ABI3BP: variants seen among roughly 807,000 people sequenced by gnomAD.
ABI3BP encodes target of Nesh-SH3.
A neutral mutation model predicts 268.6 loss-of-function variants in ABI3BP; 216 were observed. The ratio of observed to expected loss-of-function variants is 0.80; its 90% CI spans 0.72 to 0.90. The LOEUF (loss-of-function observed/expected upper bound fraction) is 0.90, where lower values mean the gene tolerates loss of function less well. Ranked by LOEUF, ABI3BP falls within the 40% of genes least tolerant of loss-of-function variation. The pLI is 0.00. For synonymous variants in ABI3BP, 730 were observed against 730.0 expected, an observed-to-expected ratio of 1.00 and a Z score of 0.00; for missense variants, 2,090 against 2,182.4, an observed-to-expected ratio of 0.96 and a Z score of 0.84.
At position 100,819,429 on chromosome 3, in the gene ABI3BP, A is replaced by G. The variant is rs9862629; in HGVS notation, c.3031+791T>C. ...AAACAAGTTCAATTTACCCAGATAC[A>G]CTCCCTTGCTTCAATCTTTGAATGT... On this transcript the variant is annotated intron_variant, in intron 40 of 67. Transcript: ENST00000471714. Among the ~76,000 whole-genome samples the G allele has an allele frequency of 5.6e-3, 842 of 151,686 alleles. 4 individuals carry two copies. Among genetic ancestry groups the G allele is most frequent in the African/African-American group, 0.019 (797 of 41,290 alleles).
At chr3:100,806,305 T>C (rs1323540571) in intron 50 of ABI3BP, among the ~76,000 whole-genome samples, 1 of 152,108 alleles carries the variant, frequency 6.6e-6, no homozygotes, top group Non-Finnish European at 1.5e-5. Flanking sequence ...AACAATAGTT[T>C]GTATTGGTAT....
At chr3:100,895,324 A>G (rs1365176225) in intron 4 of ABI3BP, among the ~76,000 whole-genome samples, 2 of 152,174 alleles carry the variant, frequency 1.3e-5, no homozygotes, top group Non-Finnish European at 2.9e-5. Context: ...GGAGACCCAT[A>G]AAGACCCTAT....
At chr3:100,757,911 A>G (rs2095711509) in intron 63 of ABI3BP, among the ~76,000 whole-genome samples, 1 of 152,206 alleles carries the variant, frequency 6.6e-6, no homozygotes, top group Non-Finnish European at 1.5e-5. Flanking sequence ...TTAAAACTGT[A>G]CATATATTTC....
chr3:100,827,768 T>C (rs1460797084), intron 34 of ABI3BP, among the ~76,000 whole-genome samples: 1 of 152,120 alleles, frequency 6.6e-6, no homozygotes, highest in Non-Finnish European at 1.5e-5. Flanking sequence ...AGGATTAATA[T>C]GTTTATCACA....
rs2096711353 is a variant in ABI3BP, at chr3:100,776,574, C to T, written c.4334-1239G>A. On this transcript the variant is annotated intron_variant, in intron 59 of 67. Coordinates refer to ENST00000471714, the MANE Select transcript of ABI3BP (RefSeq NM_001375547.2). The stretch of plus-strand genomic sequence containing the variant: ...ACACATGTGAGAGAGCCTCAGAGGA[C>T]TCCAGGACATTGGACTGGAATTCAA... 2.0e-5 allele frequency among the ~76,000 whole-genome samples: 3 copies of T among 152,256 alleles called. No individual in the cohort carries two copies. The South Asian group carries it at 6.2e-4, about 32-fold the overall frequency.
chr3:100,819,530 T>C (rs2098143191), intron 40 of ABI3BP, among the ~76,000 whole-genome samples: 1 of 152,180 alleles, frequency 6.6e-6, no homozygotes, highest in East Asian at 1.9e-4. Flanking sequence ...CCTCCTGTGA[T>C]AGCCTCACAG....
intron 29 of ABI3BP, among the ~76,000 whole-genome samples, chr3:100,833,546 T>C (rs1231961791): frequency 6.6e-6 from 1 of 152,158 alleles, no homozygotes; most frequent in African/African-American, 2.4e-5. Context: ...TACTGATATG[T>C]TTAAGCAGAT....
At chr3:100,785,002 C>CA (rs1192750507) in intron 57 of ABI3BP, among the ~76,000 whole-genome samples, 4 of 151,944 alleles carry the variant, frequency 2.6e-5, no homozygotes, top group Non-Finnish European at 5.9e-5. Context: ...ATCCATGTAA[C>CA]AAAAAACCAT....
chr3:100,797,917 T>G (rs1045595776), intron 51 of ABI3BP, among the ~76,000 whole-genome samples: 16 of 150,524 alleles, frequency 1.1e-4, no homozygotes, highest in African/African-American at 4.0e-4. Context: ...TTGCATGTGG[T>G]TTTTTTTGGG....
At chr3:100,895,965 A>G (rs999343744) in intron 4 of ABI3BP, among the ~76,000 whole-genome samples, 2 of 152,162 alleles carry the variant, frequency 1.3e-5, no homozygotes, top group Admixed American at 6.5e-5. Context: ...TTTATTAACT[A>G]TGCTAATTAG....
intron 2 of ABI3BP, among the ~76,000 whole-genome samples, chr3:100,903,106 T>C (rs558978242): frequency 6.6e-6 from 1 of 152,340 alleles, no homozygotes; most frequent in African/African-American, 2.4e-5. Context: ...CTCACCTGTA[T>C]GAGCTAAAAT....
At chr3:100,815,407 A>G (rs2098004625) in intron 44 of ABI3BP, among the ~76,000 whole-genome samples, 1 of 152,148 alleles carries the variant, frequency 6.6e-6, no homozygotes, top group Non-Finnish European at 1.5e-5. Flanking sequence ...CCATTACTAA[A>G]CAGTAGTGAA....
intron 2 of ABI3BP, among the ~76,000 whole-genome samples, chr3:100,919,935 T>C (rs1455478621): frequency 1.3e-5 from 2 of 152,206 alleles, no homozygotes; most frequent in Admixed American, 6.5e-5. Flanking sequence ...ACAGTCAGCT[T>C]TGACACAGGA....
At chr3:100,919,713 T>G (rs1279608751) in intron 2 of ABI3BP, among the ~76,000 whole-genome samples, 1 of 152,252 alleles carries the variant, frequency 6.6e-6, no homozygotes, top group Admixed American at 6.5e-5. Flanking sequence ...GTCATGCACT[T>G]ATTTTTATCT....
intron 10 of ABI3BP, 121 bp from the exon 11 acceptor site, chr3:100,865,028 G>T (rs1581071334): frequency 1.3e-6 from 1 of 754,082 alleles, no homozygotes; most frequent in African/African-American, 1.8e-5. Context: ...ATTTCTTTTT[G>T]TGTTACTATG....
chr3:100,787,108 A>G (rs1405830447), intron 57 of ABI3BP, among the ~76,000 whole-genome samples: 1 of 152,158 alleles, frequency 6.6e-6, no homozygotes, highest in African/African-American at 2.4e-5. Flanking sequence ...ACTACCATTT[A>G]TCCATGAAGT....
chr3:100,930,482 A>T (rs1241249423), intron 1 of ABI3BP, among the ~76,000 whole-genome samples: 1 of 151,658 alleles, frequency 6.6e-6, no homozygotes, highest in Non-Finnish European at 1.5e-5. Context: ...AAATTCTTTT[A>T]AAAAAAGTCT....
At chr3:100,873,487 G>C (rs988999317) in intron 9 of ABI3BP, among the ~76,000 whole-genome samples, 2 of 152,138 alleles carry the variant, frequency 1.3e-5, no homozygotes, top group African/African-American at 2.4e-5. Flanking sequence ...CACTGTACCA[G>C]CAGCTACTTG....
At chr3:100,784,214 T>C (rs2096956490) in intron 57 of ABI3BP, among the ~76,000 whole-genome samples, 1 of 152,208 alleles carries the variant, frequency 6.6e-6, no homozygotes, top group Non-Finnish European at 1.5e-5. Flanking sequence ...CTGTAGTCCT[T>C]AGGCCTCAGA....
Sources: gnomAD v4.1 joint callset for allele counts (sites outside exome capture counted in the v4.1 genomes callset) on GRCh38, gnomAD v4.1.1 for gene constraint, MANE v1.5 for transcripts, NCBI Gene and HGNC (gene_info 2026-07-23, HGNC 2026-07-21) for gene names.